Variants in KCNK16 observed in about 807,000 individuals in gnomAD.
The protein encoded by KCNK16 is potassium channel subfamily K member 16.
Under a neutral mutation model 23.0 loss-of-function variants are expected in KCNK16, and 23 were observed. The observed-to-expected ratio is 1.00, with a 90% CI of 0.72 to 1.41. The LOEUF (loss-of-function observed/expected upper bound fraction) is 1.41. KCNK16 is among the 40% of genes most tolerant of loss of function. The pLI, the probability that KCNK16 is intolerant of heterozygous loss-of-function variation, is 0.00. For missense variants in KCNK16, 327 were observed against 365.8 expected (o/e 0.89, Z 0.87); for synonymous variants, 145 against 153.5 (o/e 0.94, Z 0.41).
At chr6:39,318,798 G>T (rs561860942) in intron 2 of KCNK16, among the ~76,000 whole-genome samples, 9 of 152,272 alleles carry the variant, frequency 5.9e-5, no homozygotes, top group Non-Finnish European at 1.3e-4. Context: ...CCTCTCAGAG[G>T]GTCCCAAGGA....
Position 39,316,875 on chromosome 6 carries a change from C to T in KCNK16, c.568G>A (p.Val190Ile), listed in dbSNP as rs777772336. The T allele has an allele frequency of 3.3e-5, 54 of 1,613,810 alleles. No individual in the cohort carries two copies. The South Asian group carries it at 5.6e-4, about 17-fold the overall frequency. ...TLVILIFPPM[V>I]FSHVEGWSFS... ...CTCCAGCCCTCCACATGGCTGAAGA[C>T]CATGGGTGGGAAGATGAGAATGACC... Residue 190 changes from valine (V) to isoleucine (I), a missense_variant, in exon 4 of 5, where the codon GTC (valine) becomes ATC (isoleucine). By Grantham distance (29) the Val-to-Ile change is conservative (BLOSUM62 3). Coordinates refer to ENST00000437525, the MANE Select transcript of KCNK16 (RefSeq NM_001135106.2).
At chr6:39,322,928 G>A, upstream of KCNK16, 1 of 191,272 alleles carries the variant, frequency 5.2e-6, no homozygotes, top group African/African-American at 2.3e-5. Context: ...GCCCCAGTGG[G>A]CTCTCTCGGC....
At position 39,316,805 on chromosome 6, in the gene KCNK16, A is replaced by G. The variant is rs769278878; in HGVS notation, c.638T>C (p.Ile213Thr). 1.9e-6 allele frequency: 3 copies of G among 1,614,124 alleles called. No homozygotes were observed. Among genetic ancestry groups the G allele is most frequent in the East Asian group, 2.2e-5 (1 of 44,876 alleles). ...ACCAACAACATAGTCCCCAAAGCCA[A>G]TGGTGCTGAGAGTGATGAAAGCAAA... Reference protein sequence around the residue: ...FYFAFITLSTIGFGDYVVGTD... With the variant: ...FYFAFITLSTTGFGDYVVGTD... The change falls in exon 4 of 5, where the codon ATT becomes ACT. Residue 213 changes from isoleucine (I) to threonine (T), a missense_variant. Physicochemically the swap from Ile to Thr is moderately conservative, Grantham distance 89. Transcript: ENST00000437525.
At chr6:39,318,974 AAGAC>A (rs1762419318) in intron 2 of KCNK16, 41 bp downstream of exon 2, 5 of 1,368,998 alleles carry the variant, frequency 3.7e-6, no homozygotes, top group Non-Finnish European at 5.2e-6. Flanking sequence ...AGCCCAAACT[AAGAC>A]AGGGGCCTTG....
Position 39,319,102 on chromosome 6 carries a change from T to C in KCNK16, c.245A>G (p.Asn82Ser). ...GGGGTTGGTAGAGTTGCCTTTGGGG[T>C]TCACACCTTTCACCCAGGCTTCCAT... is the stretch of plus-strand genomic sequence containing the variant. ...VIMEAWVKGV[N>S]PKGNSTNPSN... Residue 82 changes from asparagine to serine, a missense_variant, in exon 2 of 5, where the codon AAC (asparagine) becomes AGC (serine). By Grantham distance (46) the Asn-to-Ser change is conservative. Coordinates refer to ENST00000437525, the MANE Select transcript of KCNK16 (RefSeq NM_001135106.2). The surrounding 1 kb of genome is among the most constrained non-coding windows in gnomAD (Gnocchi z 4.2). 6.8e-6 allele frequency: 11 copies of C among 1,613,736 alleles called. No homozygotes were observed. Among genetic ancestry groups the C allele is most frequent in the African/African-American group, 1.3e-5 (1 of 75,008 alleles).
chr6:39,314,972 G>T (rs11756070), downstream of KCNK16: 1 of 1,560,818 alleles, frequency 6.4e-7, no homozygotes, highest in Non-Finnish European at 8.7e-7. Context: ...TGGAGGAAGC[G>T]TCTAGGCTGT....
At chr6:39,315,278 G>A (rs780543059), downstream of KCNK16, 39 of 1,580,974 alleles carry the variant, frequency 2.5e-5, 1 homozygote, top group South Asian at 4.3e-4. Context: ...GGCCAGACCT[G>A]GAGAATGCAT....
downstream of KCNK16, chr6:39,315,507 A>G (rs564367229): frequency 3.0e-6 from 4 of 1,349,738 alleles, no homozygotes; most frequent in Non-Finnish European, 4.0e-6. Flanking sequence ...GTTCACAGAC[A>G]GCCCTGGACT....
chr6:39,322,504 G>A lies in KCNK16; in HGVS notation c.37C>T (p.Arg13Trp), dbSNP rs139048185. The A allele has an allele frequency of 1.2e-4, 196 of 1,610,440 alleles. No homozygotes were observed. Among genetic ancestry groups the A allele is most frequent in the Non-Finnish European group, 1.5e-4 (182 of 1,179,146 alleles). Residue 13 changes from arginine to tryptophan, a missense_variant, in exon 1 of 5, where the codon CGG becomes TGG. Arg to Trp is a moderately radical substitution (Grantham distance 101, BLOSUM62 -3). Transcript: ENST00000437525. Reference protein sequence around the residue: ...SAGLCSCWGGRVLPLLLAYVC... With the variant: ...SAGLCSCWGGWVLPLLLAYVC... ...TAGGCCAGCAGCAGGGGCAGCACCC[G>A]GCCACCCCAGCAGCTGCAGAGCCCA...
chr6:39,317,686 AC>A (rs1762370017), intron 3 of KCNK16, 99 bp downstream of exon 3: 1 of 1,334,964 alleles, frequency 7.5e-7, no homozygotes, highest in Admixed American at 2.6e-5. Context: ...TCTACCCCTA[AC>A]ACCATGCATG....
At chr6:39,317,217 T>G (rs565995249) in intron 3 of KCNK16, among the ~76,000 whole-genome samples, 1 of 152,338 alleles carries the variant, frequency 6.6e-6, no homozygotes, top group African/African-American at 2.4e-5. Context: ...ACAGGCTCCC[T>G]GGGGACTCAG....
chr6:39,316,275 C>G lies in KCNK16; in HGVS notation c.829G>C (p.Ala277Pro). The G allele has an allele frequency of 3.1e-6, 5 of 1,591,278 alleles. No individual in the cohort carries two copies. ...GGGAGCCCACTGGGGTCAGAGGCTG[C>G]CCCATCCTTGACGCCGAGGCCCCTA... is the stretch of plus-strand genomic sequence containing the variant. ...LSRGLGVKDGAASDPSGLPRP... is the reference protein window; with the variant it reads ...LSRGLGVKDGPASDPSGLPRP... The change falls in exon 5 of 5, where the codon GCA becomes CCA. Residue 277 changes from alanine to proline, a missense_variant. Coordinates refer to ENST00000437525, the MANE Select transcript of KCNK16 (RefSeq NM_001135106.2).
At chr6:39,315,588 C>T (rs997006022), downstream of KCNK16, among the ~76,000 whole-genome samples, 2 of 152,194 alleles carry the variant, frequency 1.3e-5, no homozygotes, top group African/African-American at 2.4e-5. Flanking sequence ...TTCCTGAGGG[C>T]AGAGATCCTC....
chr6:39,316,102 A>C, downstream of KCNK16: 1 of 1,394,242 alleles, frequency 7.2e-7, no homozygotes, highest in South Asian at 1.6e-5. Context: ...TCCTGAGACC[A>C]GCCCTGGCTG....
chr6:39,315,412 G>A (rs761430441), downstream of KCNK16: 202 of 1,550,986 alleles, frequency 1.3e-4, 2 homozygotes, highest in South Asian at 2.3e-3. Flanking sequence ...CAGAGGGAGT[G>A]ATGAAGTTAA....
chr6:39,315,977 A>G (rs564245363), downstream of KCNK16, among the ~76,000 whole-genome samples: 11 of 152,342 alleles, frequency 7.2e-5, no homozygotes, highest in South Asian at 2.3e-3. Context: ...AGGCTGTGGC[A>G]GGGGCTCTGG....
At position 39,322,573 on chromosome 6, in the gene KCNK16, C is replaced by T. The variant is rs549872991; in HGVS notation, c.-33G>A. On this transcript the variant is annotated 5_prime_UTR_variant, in exon 1 of 5. Transcript: ENST00000437525. The stretch of plus-strand genomic sequence containing the variant: ...CCAGGACCCTGCCAGGGCCGTGGGG[C>T]TGGCTATGGGGGAGAGGTGGGAAAC... The T allele has an allele frequency of 4.5e-6, 7 of 1,552,742 alleles. No individual in the cohort carries two copies. In the African/African-American group the frequency reaches 6.8e-5, roughly 15 times the overall value.
At position 39,322,669 on chromosome 6, in the gene KCNK16, T is replaced by A; in HGVS notation, c.-129A>T. The A allele has an allele frequency of 3.7e-6, 5 of 1,366,170 alleles. No homozygotes were observed. Among genetic ancestry groups the A allele is most frequent in the Non-Finnish European group, 4.9e-6 (5 of 1,030,772 alleles). The allele number at this position is 1,366,170 out of a possible 1,614,324, so 84.6% of individuals were successfully genotyped here. A position where few individuals can be genotyped will look rare whatever the true frequency, so the allele number is the denominator to read the frequency against. ...GCCCTGCCCTCCTCCTCGGCACAGG[T>A]GTCTGGAGGCTGGGGAGACTGTTTG... On this transcript the variant is annotated 5_prime_UTR_variant, in exon 1 of 5. Transcript: ENST00000437525.
At chr6:39,322,813 A>T (rs1477064137), upstream of KCNK16, 7 of 455,488 alleles carry the variant, frequency 1.5e-5, no homozygotes, top group Non-Finnish European at 2.8e-5. Context: ...GGACCCTTCA[A>T]AGAGACCTAC....
Sources: allele counts gnomAD v4.1 joint callset (sites outside exome capture counted in the v4.1 genomes callset), GRCh38; gene constraint gnomAD v4.1.1; non-coding constraint Gnocchi (gnomAD v3.1); transcripts MANE v1.5; gene names NCBI Gene and HGNC (gene_info 2026-07-23, HGNC 2026-07-21).